The following PROM1 variants were observed in gnomAD, a reference collection of about 807,000 sequenced individuals.
PROM1 encodes prominin-1.
A neutral mutation model predicts 116.9 loss-of-function variants in PROM1; 105 were observed. The ratio of observed to expected loss-of-function variants is 0.90; its 90% CI spans 0.77 to 1.06. The LOEUF is 1.06. Among genes scored for constraint, PROM1 ranks in the 50% least tolerant of loss-of-function variants. The pLI is 0.00. For missense variants in PROM1, 1,122 were observed against 1,045.2 expected, an observed-to-expected ratio of 1.07 and a Z score of -1.01; for synonymous variants, 393 against 387.0, an observed-to-expected ratio of 1.02 and a Z score of -0.18.
At chr4:16,015,531 A>G (rs1256676694) in intron 10 of PROM1, among the ~76,000 whole-genome samples, 1 of 151,068 alleles carries the variant, frequency 6.6e-6, no homozygotes, top group Admixed American at 6.6e-5. Flanking sequence ...CTCCACTAAA[A>G]ATACAAAACT....
intron 8 of PROM1, among the ~76,000 whole-genome samples, chr4:16,023,088 T>C (rs1377132443): frequency 2.1e-5 from 1 of 46,930 alleles, no homozygotes; most frequent in Non-Finnish European, 4.0e-5. Context: ...AAACAGGTGG[T>C]GGGCCCCTAA....
chr4:15,996,371 G>A (rs914375961), intron 15 of PROM1, among the ~76,000 whole-genome samples: 22 of 152,204 alleles, frequency 1.4e-4, no homozygotes, highest in Non-Finnish European at 2.8e-4. Context: ...TTAGCCAGGC[G>A]TGGTGACAGA....
chr4:16,020,900 T>C (rs1247222199), intron 8 of PROM1, among the ~76,000 whole-genome samples: 1 of 152,208 alleles, frequency 6.6e-6, no homozygotes, highest in Admixed American at 6.5e-5. Flanking sequence ...CAGGATCATA[T>C]ATGTTATGTA....
intron 15 of PROM1, among the ~76,000 whole-genome samples, chr4:15,997,456 G>GT (rs900297800): frequency 9.3e-5 from 14 of 150,544 alleles, no homozygotes; most frequent in African/African-American, 3.4e-4. Context: ...TATATACATA[G>GT]TTTTTTTGTT....
chr4:15,994,852 G>A (rs1721917284), intron 15 of PROM1, among the ~76,000 whole-genome samples: 1 of 152,174 alleles, frequency 6.6e-6, no homozygotes, highest in Non-Finnish European at 1.5e-5. Flanking sequence ...TCCCTAGGAG[G>A]TGTGATCCTT....
chr4:16,044,913 GTC>G (rs928909815), intron 2 of PROM1, among the ~76,000 whole-genome samples: 1 of 152,132 alleles, frequency 6.6e-6, no homozygotes, highest in Non-Finnish European at 1.5e-5. Flanking sequence ...AAAGTGGTAA[GTC>G]TCTGGCTGTG....
At chr4:16,010,126 G>T (rs1726540522) in intron 11 of PROM1, among the ~76,000 whole-genome samples, 1 of 152,118 alleles carries the variant, frequency 6.6e-6, no homozygotes, top group Non-Finnish European at 1.5e-5. Flanking sequence ...ACCAATAGTA[G>T]TCTCAGTGGC....
At chr4:16,020,329 G>T (rs1729521002) in intron 8 of PROM1, among the ~76,000 whole-genome samples, 2 of 152,206 alleles carry the variant, frequency 1.3e-5, no homozygotes, top group Non-Finnish European at 2.9e-5. Context: ...ATTTAAGGTT[G>T]TAATAATATT....
intron 2 of PROM1, among the ~76,000 whole-genome samples, chr4:16,050,768 T>C (rs1437664004): frequency 2.6e-5 from 4 of 152,272 alleles, no homozygotes; most frequent in Admixed American, 6.5e-5. Context: ...CAAAAAAATT[T>C]TGAAATCCAT....
chr4:16,029,471 G>A lies in PROM1; in HGVS notation c.509+3833C>T, dbSNP rs1732146774. 5.3e-5 allele frequency among the ~76,000 whole-genome samples: 8 copies of A among 151,976 alleles called. No individual in the cohort carries two copies. The South Asian group carries it at 1.7e-3, about 31-fold the overall frequency. On this transcript the variant is annotated intron_variant, in intron 5 of 27. Coordinates refer to ENST00000447510, the MANE Select transcript of PROM1 (RefSeq NM_006017.3). ...TGGAGTAAGACACATCTGCTTAACA[G>A]TCTACAGTGAGGGGTGGAAATTCGA...
intron 26 of PROM1, among the ~76,000 whole-genome samples, chr4:15,974,778 T>C (rs1039511106): frequency 3.9e-5 from 6 of 152,190 alleles, no homozygotes; most frequent in Admixed American, 1.3e-4. Context: ...CCAGAGTCTT[T>C]TCTAGAATAG....
intron 15 of PROM1, among the ~76,000 whole-genome samples, chr4:15,994,354 C>T (rs1721799346): frequency 6.6e-6 from 1 of 152,190 alleles, no homozygotes; most frequent in South Asian, 2.1e-4. Context: ...CTGTGGACCA[C>T]AAGTTTACAG....
rs981618893 is a variant in PROM1 at position 16,038,134 on chromosome 4, A to C, written c.276+812T>G. ...ACATTAACTAGATAAGGTCCCTGCT[A>C]TCTGTCTTCTAGCCTCTTGAGACCA... On this transcript the variant is annotated intron_variant, in intron 3 of 27. Coordinates refer to ENST00000447510, the MANE Select transcript of PROM1 (RefSeq NM_006017.3). 2.6e-5 allele frequency: 4 copies of C among 152,188 alleles called. No individual in the cohort carries two copies. In the East Asian group the frequency reaches 7.7e-4, roughly 29 times the overall value. The allele number at this position is 152,188 out of a possible 1,614,324, so 9.4% of individuals were successfully genotyped here. A position where few individuals can be genotyped will look rare whatever the true frequency, so the allele number is the denominator to read the frequency against.
Position 16,033,284 on chromosome 4 carries a change from T to C in PROM1, c.509+20A>G. On this transcript the variant is annotated intron_variant, in intron 5 of 27. Transcript: ENST00000447510. ...CATCAGCCTAAAACACAATCAGTTG[T>C]TGTCCAATATTGTACTTGCCTTATT... The C allele has an allele frequency of 1.3e-6, 2 of 1,580,854 alleles. No homozygotes were observed. The highest frequency in any genetic ancestry group is 2.7e-5 in the African/African-American group (2 of 74,252).
intron 2 of PROM1, among the ~76,000 whole-genome samples, chr4:16,039,554 A>G (rs535300796): frequency 2.6e-5 from 4 of 152,112 alleles, no homozygotes; most frequent in African/African-American, 9.7e-5. Flanking sequence ...CCTGCTCAAC[A>G]TGGTGAAACT....
intron 1 of PROM1, among the ~76,000 whole-genome samples, chr4:16,077,479 G>C (rs1744202245): frequency 6.6e-6 from 1 of 152,128 alleles, no homozygotes; most frequent in South Asian, 2.1e-4. Context: ...GGAACTCAGA[G>C]GCCAGGATGG....
At chr4:16,031,499 G>A (rs1732683924) in intron 5 of PROM1, among the ~76,000 whole-genome samples, 1 of 152,080 alleles carries the variant, frequency 6.6e-6, no homozygotes, top group African/African-American at 2.4e-5. Context: ...GAGAGACAGG[G>A]ACATTTGGAA....
rs544740003 is a variant in PROM1 at position 15,971,011 on chromosome 4, T to C, written c.*24+32A>G. On this transcript the variant is annotated intron_variant, in intron 27 of 27. Coordinates refer to ENST00000447510, the MANE Select transcript of PROM1 (RefSeq NM_006017.3). ...CTAAAAACTAAAAACTATAGTCCTG[T>C]AGATTCTCTTCAATGAAAGCATCAA... 17 of 1,522,488 alleles carry C rather than the reference T, an allele frequency of 1.1e-5. No individual in the cohort carries two copies. In the East Asian group the frequency reaches 3.3e-4, roughly 30 times the overall value. The allele number at this position is 1,522,488 out of a possible 1,614,324, so 94.3% of individuals were successfully genotyped here. A position where few individuals can be genotyped will look rare whatever the true frequency, so the allele number is the denominator to read the frequency against.
chr4:16,081,171 G>A (rs1005100883), intron 1 of PROM1, among the ~76,000 whole-genome samples: 12 of 151,816 alleles, frequency 7.9e-5, no homozygotes, highest in Admixed American at 3.3e-4. Context: ...CTATTAACTC[G>A]TCATTTACAT....
Sources: gnomAD v4.1 joint callset for allele counts (sites outside exome capture counted in the v4.1 genomes callset) on GRCh38, gnomAD v4.1.1 for gene constraint, MANE v1.5 for transcripts, NCBI Gene and HGNC (gene_info 2026-07-23, HGNC 2026-07-21) for gene names.